FTO: variants seen among roughly 807,000 people sequenced by gnomAD.
FTO encodes FTO alpha-ketoglutarate dependent dioxygenase, also known as alpha-ketoglutarate-dependent dioxygenase FTO.
In FTO, 47 loss-of-function variants were observed where a neutral mutation model predicts 63.9. The ratio of observed to expected loss-of-function variants is 0.74; its 90% CI spans 0.58 to 0.94. FTO has a LOEUF of 0.94. FTO is among the 40% of genes least tolerant of loss of function. The probability of loss-of-function intolerance (pLI) is 0.00; values close to 1 mark genes in which losing one functional copy is unlikely to be tolerated. For synonymous variants in FTO, 207 were observed against 224.4 expected (o/e 0.92, Z 0.69); for missense variants, 562 against 618.1 (o/e 0.91, Z 0.96).
chr16:53,803,174 T>C (rs1053379872), intron 1 of FTO, among the ~76,000 whole-genome samples: 4 of 152,268 alleles, frequency 2.6e-5, no homozygotes, highest in African/African-American at 9.6e-5. Flanking sequence ...TTGTGCTTGC[T>C]GTTCCTTTAA....
intron 8 of FTO, among the ~76,000 whole-genome samples, chr16:54,023,496 C>A (rs530190183): frequency 6.6e-6 from 1 of 152,324 alleles, no homozygotes; most frequent in Non-Finnish European, 1.5e-5. Flanking sequence ...CACTCGCTGA[C>A]CTCCATGAGT....
At chr16:53,783,713 G>T (rs991988541) in intron 1 of FTO, among the ~76,000 whole-genome samples, 2 of 151,324 alleles carry the variant, frequency 1.3e-5, no homozygotes, top group Admixed American at 1.3e-4. Flanking sequence ...ACTTGAACCC[G>T]AAAGGTGGAG....
At chr16:54,048,020 C>A (rs8047654) in intron 8 of FTO, among the ~76,000 whole-genome samples, 4 of 57,028 alleles carry the variant, frequency 7.0e-5, no homozygotes, top group Non-Finnish European at 1.1e-4. Context: ...CTAGATGACA[C>A]GTTAGTGGGT....
chr16:53,959,277 G>A (rs1489744144), intron 8 of FTO, among the ~76,000 whole-genome samples: 1 of 152,150 alleles, frequency 6.6e-6, no homozygotes, highest in Non-Finnish European at 1.5e-5. Context: ...TGTAATTTTA[G>A]CATTAGAATC....
At chr16:53,955,274 CA>C (rs958058005) in intron 8 of FTO, among the ~76,000 whole-genome samples, 6 of 151,984 alleles carry the variant, frequency 3.9e-5, no homozygotes, top group African/African-American at 9.7e-5. Context: ...CAAGAGTGAA[CA>C]AAAAAACCAC....
rs546909571 is a variant in FTO, at chr16:53,867,184, CTA to C, written c.896-6600_896-6599del. Among the ~76,000 whole-genome samples the C allele has an allele frequency of 1.8e-3, 269 of 152,162 alleles. 3 individuals are homozygous for C. The highest frequency in any genetic ancestry group is 2.5e-3 in the East Asian group (13 of 5,184). ...CTCCAAGTATTTGGGAATTTTCCAA[CTA>C]TCTTTCTGTTATTATTTTCTAGTTT... On this transcript the variant is annotated intron_variant, in intron 4 of 8. Coordinates refer to ENST00000471389, the MANE Select transcript of FTO (RefSeq NM_001080432.3).
intron 8 of FTO, among the ~76,000 whole-genome samples, chr16:53,954,536 T>C (rs1315836230): frequency 6.6e-6 from 1 of 151,924 alleles, no homozygotes; most frequent in Admixed American, 6.6e-5. Flanking sequence ...GAAAAGAAGG[T>C]CAAAGGGAAG....
At chr16:54,089,685 T>C (rs1599349510) in intron 8 of FTO, among the ~76,000 whole-genome samples, 3 of 152,208 alleles carry the variant, frequency 2.0e-5, no homozygotes, top group Admixed American at 1.3e-4. Flanking sequence ...TAAAACTCAA[T>C]AACAGGAAGA....
At chr16:54,036,406 C>T (rs79663045) in intron 8 of FTO, among the ~76,000 whole-genome samples, 6,992 of 152,236 alleles carry the variant, frequency 0.046, 201 homozygotes, top group South Asian at 0.15. Flanking sequence ...CCTGGGAATC[C>T]GGGGCCCTAA....
At chr16:53,797,404 C>T (rs1190781242) in intron 1 of FTO, among the ~76,000 whole-genome samples, 2 of 152,092 alleles carry the variant, frequency 1.3e-5, no homozygotes, top group African/African-American at 4.8e-5. Flanking sequence ...ACTGTGTGCT[C>T]TTTTTTGGAG....
At chr16:54,000,499 G>C (rs568967811) in intron 8 of FTO, among the ~76,000 whole-genome samples, 2 of 152,180 alleles carry the variant, frequency 1.3e-5, no homozygotes, top group Non-Finnish European at 2.9e-5. Flanking sequence ...ATGTAATTCT[G>C]TGGAATCATA....
intron 8 of FTO, among the ~76,000 whole-genome samples, chr16:53,982,334 TTATG>T (rs1289043862): frequency 6.6e-6 from 1 of 152,196 alleles, no homozygotes; most frequent in East Asian, 1.9e-4. Flanking sequence ...CTAAAGCACT[TTATG>T]TGAGACTTAG....
intron 2 of FTO, among the ~76,000 whole-genome samples, chr16:53,819,324 C>T (rs1226267610): frequency 6.6e-6 from 1 of 152,088 alleles, no homozygotes; most frequent in South Asian, 2.1e-4. Context: ...TGCATGCCAC[C>T]ACACCTGGCT....
intron 8 of FTO, among the ~76,000 whole-genome samples, chr16:54,101,616 G>A (rs1184065127): frequency 1.3e-5 from 2 of 152,024 alleles, no homozygotes; most frequent in South Asian, 2.1e-4. Context: ...ATAGTGCTGC[G>A]GTGAACATTT....
intron 7 of FTO, among the ~76,000 whole-genome samples, chr16:53,894,886 G>T (rs1418373307): frequency 4.6e-5 from 7 of 152,182 alleles, no homozygotes; most frequent in African/African-American, 1.7e-4. Flanking sequence ...GGTGGATAAA[G>T]AGTCATAAGC....
chr16:53,815,679 C>T (rs184864065), intron 2 of FTO, among the ~76,000 whole-genome samples: 115 of 132,988 alleles, frequency 8.6e-4, no homozygotes, highest in African/African-American at 1.7e-3. Flanking sequence ...GACAGAGTCC[C>T]GCTCTGTCAC....
At chr16:53,750,314 T>C (rs1343838857) in intron 1 of FTO, among the ~76,000 whole-genome samples, 3 of 152,050 alleles carry the variant, frequency 2.0e-5, no homozygotes, top group South Asian at 2.1e-4. Context: ...CTTGGCTCAC[T>C]GCAACCTCTG....
intron 1 of FTO, among the ~76,000 whole-genome samples, chr16:53,787,600 T>G (rs1002440196): frequency 2.0e-5 from 3 of 152,206 alleles, no homozygotes; most frequent in Admixed American, 2.0e-4. Context: ...AGAAGCCTGA[T>G]TGTTCCTTTT....
chr16:53,750,410 TG>T (rs2076760585), intron 1 of FTO, among the ~76,000 whole-genome samples: 1 of 152,098 alleles, frequency 6.6e-6, no homozygotes, highest in Non-Finnish European at 1.5e-5. Context: ...GCGAATTTTT[TG>T]TATTTTTAGT....
Sources: gnomAD v4.1 joint callset for allele counts (sites outside exome capture counted in the v4.1 genomes callset) on GRCh38, gnomAD v4.1.1 for gene constraint, MANE v1.5 for transcripts, NCBI Gene and HGNC (gene_info 2026-07-23, HGNC 2026-07-21) for gene names.